Variants in FBXL4 observed in about 807,000 individuals in gnomAD.
FBXL4 encodes F-box/LRR-repeat protein 4.
A neutral mutation model predicts 58.9 loss-of-function variants in FBXL4; 40 were observed. The ratio of observed to expected loss-of-function variants is 0.68; its 90% CI spans 0.53 to 0.88. FBXL4 has a LOEUF of 0.88. Ranked by LOEUF, FBXL4 falls within the 40% of genes least tolerant of loss-of-function variation. The pLI, the probability that FBXL4 is intolerant of heterozygous loss-of-function variation, is 0.00. For synonymous variants in FBXL4, 263 were observed against 265.5 expected (o/e 0.99, Z 0.09); for missense variants, 676 against 734.4 (o/e 0.92, Z 0.92).
Position 98,922,582 on chromosome 6 carries a change from A to G in FBXL4, c.512+3895T>C, listed in dbSNP as rs117770043. On this transcript the variant is annotated intron_variant, in intron 4 of 9. Coordinates refer to ENST00000369244, the MANE Select transcript of FBXL4 (RefSeq NM_001278716.2). Reference sequence around the variant, plus strand: ...GCACCTATCACACATATATGTTCTTATAACATTGAAAGAAATCTTTATTCA... The same window carrying G: ...GCACCTATCACACATATATGTTCTTGTAACATTGAAAGAAATCTTTATTCA... Among the ~76,000 whole-genome samples the G allele has an allele frequency of 9.8e-4, 149 of 152,302 alleles. No homozygotes were observed. In the East Asian group the frequency reaches 0.011, roughly 11 times the overall value.
intron 7 of FBXL4, chr6:98,897,197 C>T (rs1582390604): frequency 3.0e-6 from 3 of 985,124 alleles, no homozygotes; most frequent in Non-Finnish European, 3.6e-6. Context: ...CAGAGGATTT[C>T]GTTTATAGTA....
intron 1 of FBXL4, among the ~76,000 whole-genome samples, chr6:98,946,249 T>C (rs1773616120): frequency 6.6e-6 from 1 of 152,196 alleles, no homozygotes; most frequent in African/African-American, 2.4e-5. Flanking sequence ...TTTATAGGAC[T>C]GATCAGCAGG....
At chr6:98,882,825 T>C (rs1354459357) in intron 7 of FBXL4, among the ~76,000 whole-genome samples, 1 of 152,094 alleles carries the variant, frequency 6.6e-6, no homozygotes, top group Non-Finnish European at 1.5e-5. Flanking sequence ...TATGCAAATA[T>C]ATAATAGCAT....
rs1213284998 is a variant in FBXL4, at chr6:98,870,118, T to C, written c.*4160A>G. 6.6e-6 allele frequency: 1 copy of C among 152,232 alleles called. No homozygotes were observed. The highest frequency in any genetic ancestry group is 2.4e-5 in the African/African-American group (1 of 41,466). The allele number at this position is 152,232 out of a possible 1,614,324, so 9.4% of individuals were successfully genotyped here. ...ATCTTTCTTGTTATGGTAAACATTTTGTTTTTTCTAACAAAACACTGCTCT... is the reference window on the plus strand; with the variant it reads ...ATCTTTCTTGTTATGGTAAACATTTCGTTTTTTCTAACAAAACACTGCTCT... On this transcript the variant is annotated 3_prime_UTR_variant, in exon 10 of 10. Transcript: ENST00000369244.
Position 98,917,559 on chromosome 6 carries a change from G to A in FBXL4, c.673C>T (p.Leu225=), listed in dbSNP as rs766767309. ...EYYTELDAVV[L]HGVKDKPVLS... ...ACTGGCTTGTCCTTCACACCATGTAGCACAACTGCATCTAATTCAGTGTAA... is the reference window on the plus strand; with the variant it reads ...ACTGGCTTGTCCTTCACACCATGTAACACAACTGCATCTAATTCAGTGTAA... Residue 225 remains leucine (L), a synonymous_variant, in exon 5 of 10, where the codon CTA becomes TTA. Coordinates refer to ENST00000369244, the MANE Select transcript of FBXL4 (RefSeq NM_001278716.2). The A allele has an allele frequency of 6.2e-7, 1 of 1,613,996 alleles. No homozygotes were observed. The highest frequency in any genetic ancestry group is 8.5e-7 in the Non-Finnish European group (1 of 1,179,908).
intron 7 of FBXL4, among the ~76,000 whole-genome samples, chr6:98,886,742 G>C (rs1046568317): frequency 6.6e-6 from 1 of 152,130 alleles, no homozygotes; most frequent in African/African-American, 2.4e-5. Flanking sequence ...GCTCAGTTCT[G>C]ACCAGGAGGC....
At chr6:98,897,342 A>G (rs1218226621) in intron 7 of FBXL4, 5 of 985,088 alleles carry the variant, frequency 5.1e-6, no homozygotes, top group Non-Finnish European at 6.0e-6. Context: ...ACCACAGACC[A>G]ATGAAAACAC....
intron 7 of FBXL4, among the ~76,000 whole-genome samples, chr6:98,892,161 T>C (rs1370553926): frequency 6.6e-6 from 1 of 152,232 alleles, no homozygotes; most frequent in East Asian, 1.9e-4. Context: ...TTATCAGCTA[T>C]TAAAACTATT....
intron 5 of FBXL4, among the ~76,000 whole-genome samples, chr6:98,916,895 A>T (rs549620022): frequency 2.6e-5 from 4 of 152,120 alleles, no homozygotes; most frequent in Admixed American, 2.6e-4. Flanking sequence ...CAAAAATTAC[A>T]GTTAGGAGAA....
intron 1 of FBXL4, 66 bp downstream of exon 1, chr6:98,947,740 C>A (rs1582471945): frequency 6.7e-6 from 1 of 149,250 alleles, no homozygotes; most frequent in South Asian, 2.1e-4. Context: ...CGGCCCCGGC[C>A]CCGCCCCGGC....
chr6:98,888,411 TATA>T (rs1771112972), intron 7 of FBXL4, among the ~76,000 whole-genome samples: 1 of 152,206 alleles, frequency 6.6e-6, no homozygotes, highest in African/African-American at 2.4e-5. Context: ...ACAATTCTAC[TATA>T]ATGAGTATAT....
At position 98,871,059 on chromosome 6, in the gene FBXL4, G is replaced by T. The variant is rs1400981790; in HGVS notation, c.*3219C>A. 1 of 147,846 alleles carries T rather than the reference G, an allele frequency of 6.8e-6. No homozygotes were observed. The highest frequency in any genetic ancestry group is 1.5e-5 in the Non-Finnish European group (1 of 67,394). The allele number at this position is 147,846 out of a possible 1,614,324, so 9.2% of individuals were successfully genotyped here. The stretch of plus-strand genomic sequence containing the variant: ...ATTGTGCCACTGCACTCCAGCCTGG[G>T]CAAAAGAATGAGACTCAGTCTCAAA... On this transcript the variant is annotated 3_prime_UTR_variant, in exon 10 of 10. Transcript: ENST00000369244.
intron 9 of FBXL4, among the ~76,000 whole-genome samples, chr6:98,875,018 C>T (rs957273700): frequency 8.5e-5 from 13 of 152,146 alleles, no homozygotes; most frequent in East Asian, 1.9e-4. Context: ...AAAGATTTCA[C>T]GATATTCCTT....
intron 6 of FBXL4, 31 bp downstream of exon 6, chr6:98,905,395 G>GA (rs377101732): frequency 1.9e-6 from 3 of 1,599,828 alleles, no homozygotes; most frequent in South Asian, 2.2e-5. Flanking sequence ...TGCTGGGGGG[G>GA]AAAAAAACTT....
chr6:98,913,272 C>A (rs1315301186), intron 5 of FBXL4, among the ~76,000 whole-genome samples: 1 of 152,076 alleles, frequency 6.6e-6, no homozygotes, highest in African/African-American at 2.4e-5. Flanking sequence ...ATCAACGAGA[C>A]AGAAAGTTAA....
At chr6:98,905,196 A>C (rs1406760025) in intron 6 of FBXL4, among the ~76,000 whole-genome samples, 1 of 152,224 alleles carries the variant, frequency 6.6e-6, no homozygotes, top group Non-Finnish European at 1.5e-5. Flanking sequence ...ACATGAAGTA[A>C]AGGGTATAGT....
rs1345256511 is a variant in FBXL4, at chr6:98,926,961, C to G, written c.28G>C (p.Val10Leu). The G allele has an allele frequency of 3.1e-6, 5 of 1,613,998 alleles. No individual in the cohort carries two copies. Among genetic ancestry groups the G allele is most frequent in the Non-Finnish European group, 4.2e-6 (5 of 1,179,936 alleles). The change falls in exon 4 of 10, where the codon GTT (valine) becomes CTT (leucine). Residue 10 changes from valine to leucine, a missense_variant. Val to Leu is a conservative substitution (Grantham distance 32, BLOSUM62 1). Coordinates refer to ENST00000369244, the MANE Select transcript of FBXL4 (RefSeq NM_001278716.2). ...CATATATAATAAAACATGGTCAGAA[C>G]TGTTAACATGGGAAAGACCGGTGAC... is the stretch of plus-strand genomic sequence containing the variant. MSPVFPMLT[V>L]LTMFYYICLR...
chr6:98,905,375 T>A, intron 6 of FBXL4, 51 bp downstream of exon 6: 1 of 1,600,256 alleles, frequency 6.2e-7, no homozygotes, highest in Non-Finnish European at 8.5e-7. Flanking sequence ...ACATAATAAG[T>A]ATAACCTGCT....
At chr6:98,913,820 C>A (rs992635214) in intron 5 of FBXL4, among the ~76,000 whole-genome samples, 142 of 152,066 alleles carry the variant, frequency 9.3e-4, no homozygotes, top group African/African-American at 3.4e-3. Context: ...AAAATCAGAG[C>A]AGAACTGAAG....
Sources: allele counts gnomAD v4.1 joint callset (sites outside exome capture counted in the v4.1 genomes callset), GRCh38; gene constraint gnomAD v4.1.1; transcripts MANE v1.5; gene names NCBI Gene and HGNC (gene_info 2026-07-23, HGNC 2026-07-21).